Variants in CDH7 observed in about 807,000 individuals in gnomAD.
CDH7 encodes cadherin 7.
Under a neutral mutation model 71.8 loss-of-function variants are expected in CDH7, and 25 were observed. That is an observed-to-expected ratio of 0.35 (90% CI 0.25 to 0.49). The LOEUF (loss-of-function observed/expected upper bound fraction) is 0.49, where lower values mean the gene tolerates loss of function less well. Among genes scored for constraint, CDH7 ranks in the 20% least tolerant of loss-of-function variants. The pLI is 0.99. For missense variants in CDH7, 862 were observed against 974.6 expected (o/e 0.88, Z 1.54); for synonymous variants, 381 against 363.8 (o/e 1.05, Z -0.54).
intron 3 of CDH7, 43 bp downstream of exon 3, chr18:65,810,041 G>C (rs1489867204): frequency 6.7e-7 from 1 of 1,503,382 alleles, no homozygotes; most frequent in African/African-American, 1.4e-5. Context: ...TGGCCGATTT[G>C]GGGAGATTTG....
intron 7 of CDH7, among the ~76,000 whole-genome samples, chr18:65,850,315 A>G (rs1041456188): frequency 2.6e-5 from 4 of 151,440 alleles, no homozygotes; most frequent in Non-Finnish European, 4.4e-5. Context: ...ATCATGTACT[A>G]TCCTCTTAAC....
chr18:65,804,000 A>C (rs1209712176), intron 2 of CDH7, among the ~76,000 whole-genome samples: 1 of 152,130 alleles, frequency 6.6e-6, no homozygotes, highest in Non-Finnish European at 1.5e-5. Context: ...GAAAACTTTA[A>C]TACAAAGCTG....
At chr18:65,875,150 G>T (rs907387236) in intron 11 of CDH7, among the ~76,000 whole-genome samples, 1 of 152,202 alleles carries the variant, frequency 6.6e-6, no homozygotes, top group African/African-American at 2.4e-5. Flanking sequence ...TCCAGTGTGG[G>T]CAGGGGAAGC....
rs370834000 is a variant in CDH7 at position 65,890,024 on chromosome 18, T to C, written c.*9130T>C. 7.9e-5 allele frequency: 12 copies of C among 152,200 alleles called. No individual in the cohort carries two copies. Among genetic ancestry groups the C allele is most frequent in the African/African-American group, 2.6e-4 (11 of 41,542 alleles). 9.4% of individuals were successfully genotyped at this position (152,200 alleles called of 1,614,324 possible). A position where few individuals can be genotyped will look rare whatever the true frequency, so the allele number is the denominator to read the frequency against. ...GCTTTTAACTCCTGGCCTCAAGTTA[T>C]CCTCCTGCCTCTGCCTCCTTAAATA... On this transcript the variant is annotated 3_prime_UTR_variant, in exon 12 of 12. Transcript: ENST00000397968.
At chr18:65,813,324 C>T (rs543641380) in intron 3 of CDH7, among the ~76,000 whole-genome samples, 1 of 152,228 alleles carries the variant, frequency 6.6e-6, no homozygotes, top group Admixed American at 6.5e-5. Context: ...AAGAGCAAAA[C>T]TCCATCTGAA....
At position 65,773,588 on chromosome 18, in the gene CDH7, A is replaced by G. The variant is rs978408932; in HGVS notation, c.210+10536A>G. On this transcript the variant is annotated intron_variant, in intron 2 of 11. Transcript: ENST00000397968. Reference sequence around the variant, plus strand: ...ACAGATGATGCGACTTCAAGCAAACAGCCTATTTCCTCATTTTTTTCATTT... The same window carrying G: ...ACAGATGATGCGACTTCAAGCAAACGGCCTATTTCCTCATTTTTTTCATTT... Among the ~76,000 whole-genome samples the G allele has an allele frequency of 7.2e-5, 11 of 152,296 alleles. No homozygotes were observed. The South Asian group carries it at 2.3e-3, about 32-fold the overall frequency.
At chr18:65,782,095 CTTCCTTCCTTCCTTCTTTCT>C (rs1910304826) in intron 2 of CDH7, among the ~76,000 whole-genome samples, 1 of 43,036 alleles carries the variant, frequency 2.3e-5, no homozygotes, top group Non-Finnish European at 3.6e-5. Context: ...TCCTTCCTTC[CTTCCTTCCTTCCTTCTTTCT>C]TTCTTTCTTT....
chr18:65,797,439 A>T (rs991534876), intron 2 of CDH7, among the ~76,000 whole-genome samples: 2 of 152,188 alleles, frequency 1.3e-5, no homozygotes, highest in Non-Finnish European at 2.9e-5. Flanking sequence ...AGGGGATGGA[A>T]GTTTCTCTGG....
chr18:65,764,996 G>A (rs191859657), intron 2 of CDH7, among the ~76,000 whole-genome samples: 1 of 152,094 alleles, frequency 6.6e-6, no homozygotes, highest in Admixed American at 6.6e-5. Context: ...AAGAGAAATT[G>A]TGTAGTTTCT....
rs1568235961 is a variant in CDH7, at chr18:65,881,118, G to A, written c.*224G>A. 4.9e-6 allele frequency: 2 copies of A among 407,822 alleles called. No homozygotes were observed. The highest frequency in any genetic ancestry group is 7.8e-5 in the East Asian group (2 of 25,480). The allele number at this position is 407,822 out of a possible 1,614,324, so 25.3% of individuals were successfully genotyped here. ...GGACTGCACTGACCACAGACTCTGA[G>A]CATTTGAAGGTTTTTTGATAAAAAT... On this transcript the variant is annotated 3_prime_UTR_variant, in exon 12 of 12. Coordinates refer to ENST00000397968, the MANE Select transcript of CDH7 (RefSeq NM_004361.5).
chr18:65,796,424 T>C (rs1910917324), intron 2 of CDH7, among the ~76,000 whole-genome samples: 1 of 152,206 alleles, frequency 6.6e-6, no homozygotes, highest in African/African-American at 2.4e-5. Flanking sequence ...TATTTTAAAA[T>C]AAGGCAACAT....
chr18:65,802,568 CT>C (rs1363552479), intron 2 of CDH7, among the ~76,000 whole-genome samples: 1 of 152,142 alleles, frequency 6.6e-6, no homozygotes, highest in African/African-American at 2.4e-5. Context: ...CCAGGGGTTG[CT>C]TTTAAGTGCT....
At chr18:65,832,169 T>C (rs2143962151) in intron 6 of CDH7, among the ~76,000 whole-genome samples, 1 of 151,228 alleles carries the variant, frequency 6.6e-6, no homozygotes, top group South Asian at 2.1e-4. Flanking sequence ...TTTCTCTCTA[T>C]ACTATAATAA....
chr18:65,750,755 C>G (rs1025592021), upstream of CDH7: 10 of 152,800 alleles, frequency 6.5e-5, no homozygotes, highest in African/African-American at 2.4e-4. Flanking sequence ...CCTCCCTCTT[C>G]GGCCCCGGCT....
intron 3 of CDH7, among the ~76,000 whole-genome samples, chr18:65,813,071 G>A (rs769654456): frequency 1.3e-5 from 2 of 152,136 alleles, no homozygotes; most frequent in Non-Finnish European, 2.9e-5. Context: ...GGTGGCTCAC[G>A]CCTGGAATCC....
chr18:65,766,922 A>ATT (rs199518714), intron 2 of CDH7, among the ~76,000 whole-genome samples: 60,816 of 136,932 alleles, frequency 0.44, 15,853 homozygotes, highest in African/African-American at 0.73. Flanking sequence ...AAAAAAAAAA[A>ATT]GTCTACAAAA....
intron 7 of CDH7, among the ~76,000 whole-genome samples, chr18:65,852,370 G>A (rs1268582349): frequency 1.3e-5 from 2 of 152,116 alleles, no homozygotes; most frequent in Non-Finnish European, 2.9e-5. Context: ...GCTAGTAGCA[G>A]CAAAGCTTAA....
intron 11 of CDH7, among the ~76,000 whole-genome samples, chr18:65,878,973 G>T (rs751332059): frequency 2.0e-5 from 3 of 152,170 alleles, no homozygotes; most frequent in Non-Finnish European, 4.4e-5. Flanking sequence ...TATTTCCACA[G>T]ATCACCAATA....
At position 65,882,876 on chromosome 18, in the gene CDH7, A is replaced by G. The variant is rs1914270848; in HGVS notation, c.*1982A>G. On this transcript the variant is annotated 3_prime_UTR_variant, in exon 12 of 12. Transcript: ENST00000397968. The stretch of plus-strand genomic sequence containing the variant: ...TGGTGCAGGAATTACAGAGTTGTTA[A>G]GTCAGCAAGGTGCTGAGAAAACAGT... 6.6e-6 allele frequency: 1 copy of G among 152,142 alleles called. No individual in the cohort carries two copies. Among genetic ancestry groups the G allele is most frequent in the African/African-American group, 2.4e-5 (1 of 41,458 alleles). The allele number at this position is 152,142 out of a possible 1,614,324, so 9.4% of individuals were successfully genotyped here.
Sources: gnomAD v4.1 joint callset for allele counts (sites outside exome capture counted in the v4.1 genomes callset) on GRCh38, gnomAD v4.1.1 for gene constraint, MANE v1.5 for transcripts, NCBI Gene and HGNC (gene_info 2026-07-23, HGNC 2026-07-21) for gene names.